PHLDB2: variants seen among roughly 807,000 people sequenced by gnomAD.
PHLDB2 encodes the protein pleckstrin homology like domain family B member 2, also known as pleckstrin homology-like domain family B member 2.
Under a neutral mutation model 123.6 loss-of-function variants are expected in PHLDB2, and 71 were observed. The ratio of observed to expected loss-of-function variants is 0.57; its 90% CI spans 0.47 to 0.70. The LOEUF (loss-of-function observed/expected upper bound fraction) is 0.70, where lower values mean the gene tolerates loss of function less well. Among genes scored for constraint, PHLDB2 ranks in the 30% least tolerant of loss-of-function variants. The pLI is 0.00. For missense variants in PHLDB2, 1,446 were observed against 1,519.5 expected (o/e 0.95, Z 0.80); for synonymous variants, 547 against 541.6 (o/e 1.01, Z -0.14).
At chr3:111,750,640 A>C (rs2059753258) in intron 1 of PHLDB2, among the ~76,000 whole-genome samples, 2 of 152,148 alleles carry the variant, frequency 1.3e-5, no homozygotes, top group African/African-American at 4.8e-5. Flanking sequence ...ACATATGAGA[A>C]ATCTAAAAAT....
chr3:111,954,153 C>T (rs1233425695), intron 12 of PHLDB2, 124 bp downstream of exon 12: 1 of 751,112 alleles, frequency 1.3e-6, no homozygotes, highest in African/African-American at 1.8e-5. Context: ...TAATTTTACT[C>T]TTAATGTGTT....
intron 1 of PHLDB2, among the ~76,000 whole-genome samples, chr3:111,782,470 A>G (rs916855663): frequency 1.3e-5 from 2 of 152,116 alleles, no homozygotes; most frequent in African/African-American, 4.8e-5. Flanking sequence ...GAGCTTTTAC[A>G]CTCAATCAAT....
In PHLDB2 at chr3:111,932,378, T is replaced by TACA; in HGVS notation, c.2120_2122dup (p.Gln707dup). 6.4e-7 allele frequency: 1 copy of TACA among 1,551,216 alleles called. No homozygotes were observed. The highest frequency in any genetic ancestry group is 8.7e-7 in the Non-Finnish European group (1 of 1,146,556). ...TGTCCTGAGTCCATGAGGGAACAGT[T>TACA]ACAACAACAACTGAAGAGGGTCAGT... On this transcript the variant is annotated inframe_insertion, in exon 6 of 18. Coordinates refer to ENST00000431670, the MANE Select transcript of PHLDB2 (RefSeq NM_001134438.2).
chr3:111,914,291 T>TGTG (rs2068047445), intron 3 of PHLDB2: 1 of 152,166 alleles, frequency 6.6e-6, no homozygotes, highest in South Asian at 2.1e-4. Flanking sequence ...CAAATGTGTC[T>TGTG]GTGGGATCAC....
intron 1 of PHLDB2, among the ~76,000 whole-genome samples, chr3:111,881,566 GTAGTA>G (rs1257903036): frequency 6.6e-6 from 1 of 152,074 alleles, no homozygotes; most frequent in Non-Finnish European, 1.5e-5. Context: ...AATTATTACA[GTAGTA>G]TAGTATGTAC....
chr3:111,954,106 G>A (rs1280133682), intron 12 of PHLDB2, 77 bp downstream of exon 12: 1 of 1,324,140 alleles, frequency 7.6e-7, no homozygotes, highest in Non-Finnish European at 1.1e-6. Flanking sequence ...GTGAGAACAG[G>A]GGTAGGGATG....
At chr3:111,807,946 G>GTT (rs11418818) in intron 1 of PHLDB2, among the ~76,000 whole-genome samples, 1,108 of 86,304 alleles carry the variant, frequency 0.013, 25 homozygotes, top group Middle Eastern at 0.065. Context: ...TAAGCTGGGT[G>GTT]TTTTTTTTTT....
At chr3:111,949,961 T>C in intron 10 of PHLDB2, 5 of 940,780 alleles carry the variant, frequency 5.3e-6, no homozygotes, top group Non-Finnish European at 6.3e-6. Flanking sequence ...TGAAATCTTT[T>C]CTTCTACTTT....
intron 2 of PHLDB2, among the ~76,000 whole-genome samples, chr3:111,898,182 T>TTGTGTGTGTGTGTGTGTGTG (rs58183787): frequency 2.1e-5 from 3 of 142,546 alleles, no homozygotes; most frequent in African/African-American, 8.1e-5. Flanking sequence ...GTGTGTGTGT[T>TTGTGTGTGTGTGTGTGTGTG]TGTGTGTGTG....
chr3:111,895,861 TATCTATCTATCC>T (rs879898554), intron 2 of PHLDB2, among the ~76,000 whole-genome samples: 10 of 130,166 alleles, frequency 7.7e-5, no homozygotes, highest in South Asian at 2.3e-4. Context: ...AAAAAAAATC[TATCTATCTATCC>T]ATCTATCTAT....
At chr3:111,870,980 A>G (rs1407432941) in intron 1 of PHLDB2, among the ~76,000 whole-genome samples, 1 of 152,210 alleles carries the variant, frequency 6.6e-6, no homozygotes, top group Non-Finnish European at 1.5e-5. Context: ...AAACTTTGTT[A>G]TAAAGTGGAA....
At chr3:111,822,987 A>C (rs2062478477) in intron 1 of PHLDB2, among the ~76,000 whole-genome samples, 1 of 152,276 alleles carries the variant, frequency 6.6e-6, no homozygotes, top group Non-Finnish European at 1.5e-5. Flanking sequence ...GGCACTAGGC[A>C]ACATGCTTTC....
In PHLDB2 at chr3:111,926,058, T is replaced by C. The variant is rs1301018817; in HGVS notation, c.2001+5639T>C. Among the ~76,000 whole-genome samples the C allele has an allele frequency of 2.0e-5, 3 of 152,248 alleles. No individual in the cohort carries two copies. The East Asian group carries it at 5.8e-4, about 29-fold the overall frequency. The stretch of plus-strand genomic sequence containing the variant: ...TCCTTTTGTTTAAGGACAAATATTG[T>C]GTGTCTTCACACAGATGCATTGTTA... On this transcript the variant is annotated intron_variant, in intron 5 of 17. Coordinates refer to ENST00000431670, the MANE Select transcript of PHLDB2 (RefSeq NM_001134438.2).
At chr3:111,909,234 A>T (rs1166073352) in intron 2 of PHLDB2, among the ~76,000 whole-genome samples, 1 of 152,192 alleles carries the variant, frequency 6.6e-6, no homozygotes, top group African/African-American at 2.4e-5. Context: ...CTGTGAACTC[A>T]TAGGTGGTCT....
chr3:111,780,242 T>G, intron 1 of PHLDB2, among the ~76,000 whole-genome samples: 3 of 138,056 alleles, frequency 2.2e-5, no homozygotes, highest in South Asian at 2.3e-4. Flanking sequence ...AACGCAGGAG[T>G]GGGCTCCTGA....
At chr3:111,780,757 G>A (rs1196907548) in intron 1 of PHLDB2, among the ~76,000 whole-genome samples, 2 of 152,032 alleles carry the variant, frequency 1.3e-5, no homozygotes, top group East Asian at 3.9e-4. Context: ...TTGCAGCTTT[G>A]ATGTCCCCGT....
At chr3:111,934,660 G>T (rs1274065957) in intron 6 of PHLDB2, among the ~76,000 whole-genome samples, 1 of 152,178 alleles carries the variant, frequency 6.6e-6, no homozygotes, top group Non-Finnish European at 1.5e-5. Flanking sequence ...TGGTTTTGTG[G>T]CCTGTGGTTG....
chr3:111,768,666 C>A lies in PHLDB2; in HGVS notation c.-49+35963C>A, dbSNP rs1184859817. Among the ~76,000 whole-genome samples the A allele has an allele frequency of 3.9e-5, 6 of 152,312 alleles. No individual in the cohort carries two copies. In the East Asian group the frequency reaches 1.2e-3, roughly 29 times the overall value. Reference sequence around the variant, plus strand: ...CTGCCACAAATATTTGAATCACTGCCATAGCAATGTTCATGGACCCATGCC... The same window carrying A: ...CTGCCACAAATATTTGAATCACTGCAATAGCAATGTTCATGGACCCATGCC... On this transcript the variant is annotated intron_variant, in intron 1 of 17. Transcript: ENST00000393923.
In PHLDB2 at chr3:111,884,663, T is replaced by C. The variant is rs1490206316; in HGVS notation, c.586T>C (p.Ser196Pro). Reference sequence around the variant, plus strand: ...TGCTGGCCCGCCTCCTATCAGCAGATCGGGAGCCGCAAGCATGCCTTCAAG... The same window carrying C: ...TGCTGGCCCGCCTCCTATCAGCAGACCGGGAGCCGCAAGCATGCCTTCAAG... ...SDAGPPPISR[S>P]GAASMPSSPK... The change falls in exon 2 of 18, where the codon TCG (serine) becomes CCG (proline). Residue 196 changes from serine to proline, a missense_variant. Around this residue, in one of 3 missense-constraint regions of PHLDB2, gnomAD observed 832 missense variants for 831.9 expected, o/e 1.00. Coordinates refer to ENST00000431670, the MANE Select transcript of PHLDB2 (RefSeq NM_001134438.2). 2 of 1,613,960 alleles carry C rather than the reference T, an allele frequency of 1.2e-6. No individual in the cohort carries two copies. Among genetic ancestry groups the C allele is most frequent in the Non-Finnish European group, 1.7e-6 (2 of 1,180,036 alleles).
Sources: gnomAD v4.1 joint callset for allele counts (sites outside exome capture counted in the v4.1 genomes callset) on GRCh38, gnomAD v4.1.1 for gene constraint, gnomAD v4.1.1 regional missense constraint, MANE v1.5 for transcripts, NCBI Gene and HGNC (gene_info 2026-07-23, HGNC 2026-07-21) for gene names.